IL7: variants seen among roughly 807,000 people sequenced by gnomAD.
IL7 encodes the protein interleukin-7.
IL7 carries 3 observed loss-of-function variants against 21.6 expected under a neutral mutation model. That is an observed-to-expected ratio of 0.14 (90% CI 0.06 to 0.36). The LOEUF (loss-of-function observed/expected upper bound fraction) is 0.36. Among genes scored for constraint, IL7 ranks in the 10% least tolerant of loss-of-function variants. IL7 has a pLI of 1.00. For synonymous variants in IL7, 62 were observed against 68.1 expected (o/e 0.91, Z 0.44); for missense variants, 175 against 200.2 (o/e 0.87, Z 0.76).
intron 2 of IL7, among the ~76,000 whole-genome samples, chr8:78,788,202 C>A (rs1454275652): frequency 6.6e-6 from 1 of 151,960 alleles, no homozygotes; most frequent in Non-Finnish European, 1.5e-5. Context: ...TTCAAAGAAC[C>A]AGTTTTGGTT....
chr8:78,699,903 T>A lies in IL7; in HGVS notation n.215-13956A>T, dbSNP rs902118178. Among the ~76,000 whole-genome samples, 17 of 152,300 alleles carry A rather than the reference T, an allele frequency of 1.1e-4. No individual in the cohort carries two copies. In the Middle Eastern group the frequency reaches 0.01, roughly 91 times the overall value. On this transcript the variant is annotated intron_variant and non_coding_transcript_variant, in intron 3 of 4. Coordinates refer to the IL7 transcript ENST00000523959. ...ATTTAGGTTGATTCCATGTCTTCAG[T>A]ATTATGAATAGTGCTGCAGTGAACA...
intron 4 of IL7, among the ~76,000 whole-genome samples, chr8:78,679,546 G>T (rs1809696517): frequency 1.3e-5 from 2 of 152,016 alleles, no homozygotes; most frequent in African/African-American, 4.8e-5. Context: ...TGAATCCATG[G>T]ATGCACAAGC....
At chr8:78,733,882 T>A (rs1004307204) in intron 5 of IL7, 50 bp from the exon 6 acceptor site, 3 of 1,227,112 alleles carry the variant, frequency 2.4e-6, no homozygotes, top group Non-Finnish European at 3.3e-6. Context: ...TACAAAAATA[T>A]ATATTTTAAA....
chr8:78,773,646 G>GAATT (rs1563430142), intron 2 of IL7, among the ~76,000 whole-genome samples: 1 of 152,118 alleles, frequency 6.6e-6, no homozygotes, highest in East Asian at 1.9e-4. Flanking sequence ...CCCACATAAG[G>GAATT]AATTAGTCCT....
intron 3 of IL7, among the ~76,000 whole-genome samples, chr8:78,702,888 A>AATTTT (rs963621863): frequency 4.0e-5 from 6 of 151,834 alleles, no homozygotes; most frequent in African/African-American, 7.3e-5. Flanking sequence ...TTATGTGATC[A>AATTTT]ATTTTATTTT....
intron 3 of IL7, among the ~76,000 whole-genome samples, chr8:78,704,190 T>A (rs1229684326): frequency 1.3e-5 from 2 of 151,960 alleles, no homozygotes; most frequent in African/African-American, 4.8e-5. Flanking sequence ...AAGACCAGCC[T>A]GACCAATGTG....
intron 4 of IL7, among the ~76,000 whole-genome samples, chr8:78,678,072 G>A (rs1252056791): frequency 6.6e-6 from 1 of 152,076 alleles, no homozygotes; most frequent in African/African-American, 2.4e-5. Context: ...CACCATTTTT[G>A]TTTTGGTGGG....
intron 3 of IL7, among the ~76,000 whole-genome samples, chr8:78,693,482 G>A (rs1300520799): frequency 1.3e-5 from 2 of 152,232 alleles, no homozygotes; most frequent in African/African-American, 4.8e-5. Context: ...CTGATGGCCA[G>A]TAATGATGAA....
At chr8:78,782,826 C>T (rs755342277) in intron 2 of IL7, among the ~76,000 whole-genome samples, 24 of 152,208 alleles carry the variant, frequency 1.6e-4, no homozygotes, top group Non-Finnish European at 3.2e-4. Context: ...GCCGCTCCTC[C>T]CCCCAGAAGC....
chr8:78,746,994 A>G (rs185351666), intron 2 of IL7: 15 of 456,130 alleles, frequency 3.3e-5, no homozygotes, highest in Admixed American at 2.6e-4. Flanking sequence ...GTTACTCTTC[A>G]TGGTCACATG....
chr8:78,790,150 A>G (rs1042762526), intron 2 of IL7, among the ~76,000 whole-genome samples: 2 of 152,184 alleles, frequency 1.3e-5, no homozygotes, highest in Non-Finnish European at 2.9e-5. Flanking sequence ...TTATAAGTTT[A>G]CAACTTAAAA....
At chr8:78,722,456 A>G (rs571460513) in intron 3 of IL7, among the ~76,000 whole-genome samples, 4 of 152,098 alleles carry the variant, frequency 2.6e-5, no homozygotes, top group African/African-American at 4.8e-5. Context: ...AAAAATCGCA[A>G]TTTTCAGGAT....
At chr8:78,741,629 T>G (rs1007882821) in intron 2 of IL7, among the ~76,000 whole-genome samples, 13 of 152,206 alleles carry the variant, frequency 8.5e-5, no homozygotes, top group Non-Finnish European at 1.5e-4. Flanking sequence ...TCTAGGTTAT[T>G]AATAAAACTT....
intron 3 of IL7, among the ~76,000 whole-genome samples, chr8:78,708,574 A>G (rs941942704): frequency 4.6e-5 from 7 of 152,134 alleles, no homozygotes; most frequent in Non-Finnish European, 1.0e-4. Context: ...AAAAAAAGCA[A>G]TCAAATCAAT....
At chr8:78,692,540 CAA>C (rs1273879117) in intron 3 of IL7, among the ~76,000 whole-genome samples, 1 of 152,054 alleles carries the variant, frequency 6.6e-6, no homozygotes, top group African/African-American at 2.4e-5. Context: ...TGTTCTTTTG[CAA>C]AGTGTTTTTA....
At chr8:78,686,630 G>A (rs1049060344) in intron 3 of IL7, 2 of 1,448,788 alleles carry the variant, frequency 1.4e-6, no homozygotes, top group Middle Eastern at 1.9e-4. Context: ...ATTGTTGACA[G>A]AAATGTTCAT....
At chr8:78,748,090 A>C (rs1348761847) in intron 2 of IL7, among the ~76,000 whole-genome samples, 1 of 152,230 alleles carries the variant, frequency 6.6e-6, no homozygotes, top group African/African-American at 2.4e-5. Context: ...AAGAGACAGA[A>C]CTGGTTTGAC....
intron 2 of IL7, among the ~76,000 whole-genome samples, chr8:78,740,659 C>A (rs1350415458): frequency 1.3e-5 from 2 of 152,172 alleles, no homozygotes; most frequent in African/African-American, 4.8e-5. Context: ...TCAACAGTCA[C>A]AACTAATTAA....
intron 3 of IL7, among the ~76,000 whole-genome samples, chr8:78,722,386 A>G (rs1464964663): frequency 6.7e-6 from 1 of 149,640 alleles, no homozygotes; most frequent in Non-Finnish European, 1.5e-5. Context: ...AGGACATTCT[A>G]TTTTTTAATT....
Sources: allele counts gnomAD v4.1 joint callset (sites outside exome capture counted in the v4.1 genomes callset), GRCh38; gene constraint gnomAD v4.1.1; transcripts MANE v1.5; gene names NCBI Gene and HGNC (gene_info 2026-07-23, HGNC 2026-07-21).